The following TTLL7 variants were observed in gnomAD, a reference collection of about 807,000 sequenced individuals.
The protein encoded by TTLL7 is tubulin tyrosine ligase like 7, also known as tubulin polyglutamylase TTLL7.
A neutral mutation model predicts 120.2 loss-of-function variants in TTLL7; 53 were observed. The observed-to-expected ratio is 0.44, with a 90% CI of 0.35 to 0.55. The LOEUF is 0.55. Among genes scored for constraint, TTLL7 ranks in the 20% least tolerant of loss-of-function variants. The pLI is 0.00. For synonymous variants in TTLL7, 353 were observed against 351.7 expected (o/e 1.00, Z -0.04); for missense variants, 803 against 1,054.7 (o/e 0.76, Z 3.31).
intron 18 of TTLL7, among the ~76,000 whole-genome samples, chr1:83,898,911 A>G (rs932584178): frequency 1.3e-5 from 2 of 151,832 alleles, no homozygotes; most frequent in Non-Finnish European, 2.9e-5. Context: ...AAAAATCCCA[A>G]TGAGAATATG....
chr1:83,967,686 A>C (rs1466641846), intron 1 of TTLL7, among the ~76,000 whole-genome samples: 2 of 152,024 alleles, frequency 1.3e-5, no homozygotes, highest in Non-Finnish European at 2.9e-5. Flanking sequence ...AAAATTCTAA[A>C]ATTTTTGGCC....
chr1:83,980,939 T>G lies in TTLL7; in HGVS notation c.-177+17992A>C, dbSNP rs541804164. The G allele has an allele frequency of 3.9e-5, 6 of 152,176 alleles. No homozygotes were observed. In the Middle Eastern group the frequency reaches 0.014, roughly 345 times the overall value. 9.4% of individuals were successfully genotyped at this position (152,176 alleles called of 1,614,324 possible). A position where few individuals can be genotyped will look rare whatever the true frequency, so the allele number is the denominator to read the frequency against. ...AAAGTAAGCTATGATAAACTAAGTA[T>G]GTATAAAGTAATACCAGGGGAACCA... On this transcript the variant is annotated intron_variant, in intron 1 of 20. Coordinates refer to ENST00000260505, the MANE Select transcript of TTLL7 (RefSeq NM_024686.6).
At position 83,932,569 on chromosome 1, in the gene TTLL7, G is replaced by GCACA. The variant is rs35245320; in HGVS notation, c.1047+1035_1047+1038dup. 8.3e-3 allele frequency among the ~76,000 whole-genome samples: 1,252 copies of GCACA among 150,114 alleles called. 8 individuals are homozygous for GCACA. The highest frequency in any genetic ancestry group is 0.013 in the Non-Finnish European group (896 of 67,366). ...TAGATGTGACCACACATAGGCGCGC[G>GCACA]CACACACACACACACACACAATCTT... On this transcript the variant is annotated intron_variant, in intron 9 of 20. Transcript: ENST00000260505.
chr1:83,951,077 C>T (rs181834291), intron 3 of TTLL7, among the ~76,000 whole-genome samples: 91 of 152,016 alleles, frequency 6.0e-4, no homozygotes, highest in Non-Finnish European at 8.7e-4. Context: ...AGGCTGGGCA[C>T]GGTGGCTCAC....
chr1:83,901,427 A>G (rs1656715406), intron 18 of TTLL7, among the ~76,000 whole-genome samples: 1 of 151,936 alleles, frequency 6.6e-6, no homozygotes, highest in African/African-American at 2.4e-5. Flanking sequence ...TCTTTTCTCT[A>G]TTGGTTTGAA....
At chr1:83,926,029 G>A (rs1047339566) in intron 10 of TTLL7, among the ~76,000 whole-genome samples, 1 of 151,442 alleles carries the variant, frequency 6.6e-6, no homozygotes, top group African/African-American at 2.4e-5. Context: ...GCTGAGACAG[G>A]AGAATCGCTT....
Position 83,948,613 on chromosome 1 carries a change from G to C in TTLL7, c.347+15C>G. 6.3e-7 allele frequency: 1 copy of C among 1,581,880 alleles called. No individual in the cohort carries two copies. The highest frequency in any genetic ancestry group is 8.7e-7 in the Non-Finnish European group (1 of 1,152,336). On this transcript the variant is annotated intron_variant, in intron 5 of 20. Transcript: ENST00000260505. ...TTTGAACAGGTCTTCTCCATTACAA[G>C]AAAATAAAGATTACTTGGTCATATT...
chr1:83,907,855 C>T (rs549234375), intron 15 of TTLL7, among the ~76,000 whole-genome samples, 194 bp from the exon 16 acceptor site: 4 of 152,118 alleles, frequency 2.6e-5, no homozygotes, highest in South Asian at 4.2e-4. Context: ...GCAGAAGAAC[C>T]CCTGTAATGT....
rs980512899 is a variant in TTLL7, at chr1:83,898,187, G to A, written c.2208+5892C>T. Among the ~76,000 whole-genome samples, 7 of 151,952 alleles carry A rather than the reference G, an allele frequency of 4.6e-5. 1 individual carries two copies. Among genetic ancestry groups the A allele is most frequent in the Non-Finnish European group, 1.5e-5 (1 of 67,938 alleles). On this transcript the variant is annotated intron_variant, in intron 18 of 20. Coordinates refer to ENST00000260505, the MANE Select transcript of TTLL7 (RefSeq NM_024686.6). Reference sequence around the variant, plus strand: ...CCAAATAAATGATCAATATGTTATAGGCCAACAGACAATTTTTATACATCA... The same window carrying A: ...CCAAATAAATGATCAATATGTTATAAGCCAACAGACAATTTTTATACATCA...
chr1:83,893,886 T>C (rs1655997815), intron 18 of TTLL7, among the ~76,000 whole-genome samples: 1 of 151,974 alleles, frequency 6.6e-6, no homozygotes, highest in South Asian at 2.1e-4. Flanking sequence ...ACACAATCTG[T>C]AATAAAGTAG....
intron 1 of TTLL7, among the ~76,000 whole-genome samples, chr1:83,990,853 T>C (rs1385601467): frequency 6.6e-6 from 1 of 152,154 alleles, no homozygotes; most frequent in East Asian, 1.9e-4. Flanking sequence ...GGGTATAATC[T>C]GAAAAAAATT....
intron 9 of TTLL7, 59 bp from the exon 10 acceptor site, chr1:83,929,289 T>C: frequency 7.7e-7 from 1 of 1,306,630 alleles, no homozygotes. Context: ...ACATATTTGT[T>C]AATCCAATGT....
At chr1:83,948,028 T>C (rs1401348557) in intron 5 of TTLL7, among the ~76,000 whole-genome samples, 1 of 152,176 alleles carries the variant, frequency 6.6e-6, no homozygotes, top group Non-Finnish European at 1.5e-5. Flanking sequence ...AGTAGATTGT[T>C]ACTCTAAATA....
intron 19 of TTLL7, among the ~76,000 whole-genome samples, chr1:83,889,193 GC>G (rs1655232693): frequency 6.6e-6 from 1 of 152,020 alleles, no homozygotes; most frequent in Non-Finnish European, 1.5e-5. Flanking sequence ...AAGGAGAAGT[GC>G]CAAGTAAAAG....
chr1:83,902,213 T>A (rs1318589505), intron 18 of TTLL7: 1 of 151,786 alleles, frequency 6.6e-6, no homozygotes, highest in Non-Finnish European at 1.5e-5. Flanking sequence ...ATCATTCTCA[T>A]CATCATACAA....
intron 1 of TTLL7, among the ~76,000 whole-genome samples, chr1:83,956,668 G>A (rs561662631): frequency 6.6e-6 from 1 of 152,258 alleles, no homozygotes; most frequent in African/African-American, 2.4e-5. Flanking sequence ...GACCTCAGGT[G>A]ATCCGCCTAC....
chr1:83,961,238 T>A (rs1649992598), intron 1 of TTLL7, among the ~76,000 whole-genome samples: 1 of 152,114 alleles, frequency 6.6e-6, no homozygotes, highest in African/African-American at 2.4e-5. Context: ...TTTTTGAATT[T>A]AAAATAAAAA....
intron 1 of TTLL7, among the ~76,000 whole-genome samples, chr1:83,991,232 T>C (rs1284453761): frequency 6.6e-6 from 1 of 152,142 alleles, no homozygotes; most frequent in Admixed American, 6.6e-5. Context: ...AGTTGTTTAA[T>C]GAGTATAGAG....
In TTLL7 at chr1:83,907,495, C is replaced by T; in HGVS notation, c.1953G>A (p.Leu651=). The T allele has an allele frequency of 6.2e-7, 1 of 1,613,034 alleles. No individual in the cohort carries two copies. The highest frequency in any genetic ancestry group is 8.5e-7 in the Non-Finnish European group (1 of 1,179,328). ...LNRASSYMRH[L]PHSNDACSTN... is the part of the protein sequence containing the mutation. ...TAGAGCAGGCATCATTACTGTGAGG[C>T]AGATGCCTCATGTAGGAGGAAGCAC... The change falls in exon 16 of 21, where the codon CTG becomes CTA. Residue 651 remains leucine (L), a synonymous_variant. Transcript: ENST00000260505.
Sources: allele counts gnomAD v4.1 joint callset (sites outside exome capture counted in the v4.1 genomes callset), GRCh38; gene constraint gnomAD v4.1.1; transcripts MANE v1.5; gene names NCBI Gene and HGNC (gene_info 2026-07-23, HGNC 2026-07-21).